PTCHD1: variants seen among roughly 807,000 people sequenced by gnomAD.
PTCHD1 encodes patched domain containing 1.
A neutral mutation model predicts 34.6 loss-of-function variants in PTCHD1; 3 were observed. The ratio of observed to expected loss-of-function variants is 0.09; its 90% CI spans 0.04 to 0.22. PTCHD1 has a LOEUF of 0.22. Ranked by LOEUF, PTCHD1 falls within the 10% of genes least tolerant of loss-of-function variation. PTCHD1 has a pLI of 1.00. For synonymous variants in PTCHD1, 305 were observed against 283.1 expected (o/e 1.08, Z -0.77); for missense variants, 504 against 685.5 (o/e 0.74, Z 2.96).
At position 23,392,884 on chromosome X, in the gene PTCHD1, T is replaced by C. The variant is rs1468860387; in HGVS notation, c.1366T>C (p.Trp456Arg). Residue 456 changes from tryptophan to arginine, a missense_variant, in exon 3 of 3, where the codon TGG becomes CGG. Physicochemically the swap from Trp to Arg is moderately radical, Grantham distance 101. Coordinates refer to ENST00000379361, the MANE Select transcript of PTCHD1 (RefSeq NM_173495.3). ...TGAGGCATTGCAGGAGAAGCCGGCA[T>C]GGTACAGGTTTCTCCTGACGGCCAG... ...KPEALQEKPA[W>R]YRFLLTARFS... 1 of 1,211,765 alleles carries C rather than the reference T, an allele frequency of 8.3e-7. No individual in the cohort carries two copies. Among genetic ancestry groups the C allele is most frequent in the Non-Finnish European group, 1.1e-6 (1 of 895,190 alleles).
intron 2 of PTCHD1, among the ~76,000 whole-genome samples, chrX:23,381,737 A>G (rs1028231603): frequency 8.9e-6 from 1 of 111,901 alleles, no homozygotes; most frequent in Non-Finnish European, 1.9e-5. Context: ...TTGATAATGT[A>G]CTTGTCACTG....
chrX:23,351,037 G>C, intron 1 of PTCHD1: 1 of 392,864 alleles, frequency 2.5e-6, no homozygotes, highest in Non-Finnish European at 4.4e-6. Flanking sequence ...TTCCTATCCT[G>C]ATTCAAATGG....
intron 1 of PTCHD1, among the ~76,000 whole-genome samples, chrX:23,348,580 C>T: frequency 9.2e-6 from 1 of 108,878 alleles, no homozygotes; most frequent in East Asian, 2.9e-4. Context: ...TATAGAGGAA[C>T]AAGGAAAAGA....
chrX:23,359,337 G>T (rs1229291175), intron 1 of PTCHD1, among the ~76,000 whole-genome samples: 1 of 112,029 alleles, frequency 8.9e-6, no homozygotes, highest in Non-Finnish European at 1.9e-5. Context: ...GCAGTGGTTT[G>T]TAGTTCTCCT....
At chrX:23,359,035 GT>G (rs1921895692) in intron 1 of PTCHD1, among the ~76,000 whole-genome samples, 1 of 112,377 alleles carries the variant, frequency 8.9e-6, no homozygotes. Context: ...GTACCATGCT[GT>G]TTTGGCTACT....
At chrX:23,368,037 C>T (rs1191150907) in intron 1 of PTCHD1, among the ~76,000 whole-genome samples, 1 of 108,853 alleles carries the variant, frequency 9.2e-6, no homozygotes, top group African/African-American at 3.4e-5. Flanking sequence ...TACCCATCAA[C>T]AGCATTAACA....
intron 1 of PTCHD1, among the ~76,000 whole-genome samples, chrX:23,368,432 A>G (rs766701594): frequency 3.6e-5 from 4 of 112,169 alleles, no homozygotes; most frequent in Admixed American, 9.4e-5. Flanking sequence ...GTATCATTCA[A>G]TGTCACCGGA....
chrX:23,382,257 A>G lies in PTCHD1; in HGVS notation c.1012+2006A>G, dbSNP rs1237035736. Among the ~76,000 whole-genome samples the G allele has an allele frequency of 2.7e-5, 3 of 112,721 alleles. No individual in the cohort carries two copies. In the East Asian group the frequency reaches 8.3e-4, roughly 31 times the overall value. Reference sequence around the variant, plus strand: ...TTACTAAGTAAAATAAAATTATAATATTTAAAGTTTCTTCAAATTAATTTT... The same window carrying G: ...TTACTAAGTAAAATAAAATTATAATGTTTAAAGTTTCTTCAAATTAATTTT... On this transcript the variant is annotated intron_variant, in intron 2 of 2. Transcript: ENST00000379361.
At position 23,394,163 on chromosome X, in the gene PTCHD1, T is replaced by C. The variant is rs1393748204; in HGVS notation, c.2645T>C (p.Val882Ala). ...EMVDIDSTRV[V>A]DQITTV ...GTAGATATCGATAGTACCCGTGTGG[T>C]TGACCAAATTACAACAGTGTGATAA... The change falls in exon 3 of 3, where the codon GTT (valine) becomes GCT (alanine). Residue 882 changes from valine to alanine, a missense_variant. Physicochemically the swap from Val to Ala is moderately conservative, Grantham distance 64. Transcript: ENST00000379361. 8.3e-7 allele frequency: 1 copy of C among 1,201,882 alleles called. No individual in the cohort carries two copies. The highest frequency in any genetic ancestry group is 1.8e-5 in the South Asian group (1 of 56,701).
chrX:23,386,588 C>T (rs1258193897), intron 2 of PTCHD1, among the ~76,000 whole-genome samples: 1 of 112,266 alleles, frequency 8.9e-6, no homozygotes, highest in Non-Finnish European at 1.9e-5. Flanking sequence ...GACATATATA[C>T]ACTTTAAATT....
At chrX:23,342,309 TA>T (rs1169020291) in intron 1 of PTCHD1, among the ~76,000 whole-genome samples, 18 of 8,945 alleles carry the variant, frequency 2.0e-3, no homozygotes, top group Admixed American at 5.2e-3. Flanking sequence ...TATATATATA[TA>T]TTTTTTTTTT....
chrX:23,370,339 G>A (rs1317047797), intron 1 of PTCHD1, among the ~76,000 whole-genome samples: 3 of 111,866 alleles, frequency 2.7e-5, no homozygotes, highest in Non-Finnish European at 5.6e-5. Context: ...CCTCCCAGAA[G>A]GGTCGAGGCC....
At chrX:23,368,694 A>G (rs917671563) in intron 1 of PTCHD1, among the ~76,000 whole-genome samples, 6 of 112,044 alleles carry the variant, frequency 5.4e-5, no homozygotes, top group Non-Finnish European at 9.4e-5. Context: ...GCCCCTTTAT[A>G]CAAATATGTT....
chrX:23,361,541 G>A (rs1309608345), intron 1 of PTCHD1, among the ~76,000 whole-genome samples: 1 of 111,441 alleles, frequency 9.0e-6, no homozygotes, highest in African/African-American at 3.3e-5. Context: ...GCCTATGTGT[G>A]TCTCTGCATG....
intron 1 of PTCHD1, among the ~76,000 whole-genome samples, chrX:23,378,279 T>A (rs1922463641): frequency 8.9e-6 from 1 of 111,893 alleles, no homozygotes; most frequent in Admixed American, 9.5e-5. Flanking sequence ...CCATTCCTCC[T>A]ACCTACATGG....
chrX:23,383,386 T>C (rs961665603), intron 2 of PTCHD1, among the ~76,000 whole-genome samples: 1 of 111,824 alleles, frequency 8.9e-6, no homozygotes, highest in African/African-American at 3.3e-5. Context: ...TCTGGTCACA[T>C]AGGCCAAATC....
intron 1 of PTCHD1, among the ~76,000 whole-genome samples, chrX:23,342,861 C>A (rs1260418193): frequency 2.7e-5 from 3 of 112,172 alleles, no homozygotes; most frequent in African/African-American, 9.7e-5. Flanking sequence ...ATGGCTTCTT[C>A]TCTCCCTTAA....
chrX:23,345,791 A>C (rs1921460046), intron 1 of PTCHD1, among the ~76,000 whole-genome samples: 1 of 112,157 alleles, frequency 8.9e-6, no homozygotes, highest in Non-Finnish European at 1.9e-5. Flanking sequence ...AATAAGATAC[A>C]AGCAGGATGA....
chrX:23,378,983 C>T (rs1368121632), intron 1 of PTCHD1, among the ~76,000 whole-genome samples: 2 of 111,891 alleles, frequency 1.8e-5, no homozygotes, highest in East Asian at 5.6e-4. Flanking sequence ...CCAGAGACAA[C>T]AAGGACCCTC....
Sources: allele counts gnomAD v4.1 joint callset (sites outside exome capture counted in the v4.1 genomes callset), GRCh38; gene constraint gnomAD v4.1.1; transcripts MANE v1.5; gene names NCBI Gene and HGNC (gene_info 2026-07-23, HGNC 2026-07-21).